AQP7B: variants seen among roughly 807,000 people sequenced by gnomAD.
AQP7B encodes the protein aquaporin 7B.
At chr2:94,594,990 G>A in the AQP7B span, 5 of 599,512 alleles carry the variant, frequency 8.3e-6, no homozygotes, top group Non-Finnish European at 1.2e-5. Context: ...CTGGGAGCCT[G>A]GGGAAGCAGT....
chr2:94,595,642 A>C, the AQP7B span, among the ~76,000 whole-genome samples: 7 of 152,118 alleles, frequency 4.6e-5, no homozygotes, highest in African/African-American at 1.7e-4. Flanking sequence ...GAACAAGTTA[A>C]GAGGCTGTTT....
chr2:94,591,762 C>T, the AQP7B span, among the ~76,000 whole-genome samples: 1 of 152,096 alleles, frequency 6.6e-6, no homozygotes, highest in African/African-American at 2.4e-5. Flanking sequence ...CCAGAGTGAT[C>T]CCTGCCTCCC....
the AQP7B span, among the ~76,000 whole-genome samples, chr2:94,597,801 C>T: frequency 2.0e-5 from 3 of 152,022 alleles, no homozygotes; most frequent in Non-Finnish European, 2.9e-5. Context: ...TACAAGGTTT[C>T]ACCATGTTGT....
chr2:94,594,797 A>G, the AQP7B span: 4 of 1,574,806 alleles, frequency 2.5e-6, no homozygotes, highest in African/African-American at 4.1e-5. Context: ...AAGATCCAGG[A>G]AATATGGTGC....
At chr2:94,602,592 T>C in the AQP7B span, 1 of 1,596,618 alleles carries the variant, frequency 6.3e-7, no homozygotes, top group Non-Finnish European at 8.6e-7. Flanking sequence ...ACCATGGGAG[T>C]CCACGTGGCA....
the AQP7B span, among the ~76,000 whole-genome samples, chr2:94,596,237 A>C: frequency 6.6e-6 from 1 of 152,266 alleles, no homozygotes; most frequent in Non-Finnish European, 1.5e-5. Context: ...TGATTGGGAC[A>C]GTATCCAGAC....
chr2:94,597,626 G>T, the AQP7B span, among the ~76,000 whole-genome samples: 1,404 of 120,974 alleles, frequency 0.012, 19 homozygotes, highest in African/African-American at 0.034. Context: ...TTTTTTTTTT[G>T]TTTTTTTTTT....
the AQP7B span, among the ~76,000 whole-genome samples, chr2:94,600,865 C>A: frequency 7.3e-6 from 1 of 136,942 alleles, no homozygotes; most frequent in Non-Finnish European, 1.5e-5. Context: ...GGCAACAGAG[C>A]AAGACTGTCT....
the AQP7B span, among the ~76,000 whole-genome samples, chr2:94,591,582 G>A: frequency 5.3e-5 from 8 of 152,110 alleles, no homozygotes; most frequent in African/African-American, 1.9e-4. Flanking sequence ...CTTGGCCCAT[G>A]GCCCTCTGGT....
the AQP7B span, among the ~76,000 whole-genome samples, chr2:94,591,224 C>T: frequency 6.6e-6 from 1 of 152,054 alleles, no homozygotes; most frequent in African/African-American, 2.4e-5. Flanking sequence ...CCTCACTGGC[C>T]ATCCCACCCA....
chr2:94,595,304 G>A, the AQP7B span, among the ~76,000 whole-genome samples: 6 of 152,074 alleles, frequency 3.9e-5, no homozygotes, highest in African/African-American at 7.2e-5. Flanking sequence ...GCATGGTGGC[G>A]GACTCCTGTA....
At chr2:94,587,739 G>C in the AQP7B span, among the ~76,000 whole-genome samples, 6 of 152,126 alleles carry the variant, frequency 3.9e-5, no homozygotes, top group Admixed American at 2.6e-4. Flanking sequence ...GAGAGCTGAA[G>C]ACCACCAGCA....
the AQP7B span, among the ~76,000 whole-genome samples, chr2:94,588,736 G>T: frequency 6.6e-6 from 1 of 151,752 alleles, no homozygotes; most frequent in East Asian, 2.0e-4. Context: ...GCCTGGGCTG[G>T]GTCCTGGGGT....
At chr2:94,596,882 T>C in the AQP7B span, among the ~76,000 whole-genome samples, 1 of 152,090 alleles carries the variant, frequency 6.6e-6, no homozygotes, top group African/African-American at 2.4e-5. Context: ...CTATTTTTAG[T>C]AGAGATGGGG....
chr2:94,590,179 A>G, the AQP7B span, among the ~76,000 whole-genome samples: 1 of 152,008 alleles, frequency 6.6e-6, no homozygotes, highest in Non-Finnish European at 1.5e-5. Context: ...GTAGGTGCTC[A>G]ACAAAAATTT....
the AQP7B span, chr2:94,603,991 G>C: frequency 1.0e-6 from 1 of 992,746 alleles, no homozygotes; most frequent in Admixed American, 2.1e-5. Context: ...TGTGTTGAGG[G>C]GTGGGGGGTG....
the AQP7B span, chr2:94,602,424 A>G: frequency 1.3e-6 from 2 of 1,490,282 alleles, no homozygotes; most frequent in East Asian, 2.4e-5. Flanking sequence ...GCTAGAACTG[A>G]GCTCTGAGCC....
chr2:94,596,948 C>T, the AQP7B span, among the ~76,000 whole-genome samples: 1 of 152,174 alleles, frequency 6.6e-6, no homozygotes, highest in Non-Finnish European at 1.5e-5. Flanking sequence ...GACCTTCCTG[C>T]CTCGGCCTCC....
At chr2:94,603,575 A>T in the AQP7B span, 1 of 1,473,248 alleles carries the variant, frequency 6.8e-7, no homozygotes, top group Middle Eastern at 2.5e-4. Flanking sequence ...GAGTCCCTCC[A>T]GATAGACAGG....
Sources: allele counts gnomAD v4.1 joint callset (sites outside exome capture counted in the v4.1 genomes callset), GRCh38; gene constraint gnomAD v4.1.1; transcripts MANE v1.5; gene names NCBI Gene and HGNC (gene_info 2026-07-23, HGNC 2026-07-21).